Variants in MACROD2 observed in about 807,000 individuals in gnomAD.
The protein encoded by MACROD2 is mono-ADP ribosylhydrolase 2.
A neutral mutation model predicts 70.4 loss-of-function variants in MACROD2; 36 were observed. The observed-to-expected ratio is 0.51, with a 90% CI of 0.39 to 0.68. The LOEUF is 0.68. Ranked by LOEUF, MACROD2 falls within the 30% of genes least tolerant of loss-of-function variation. MACROD2 has a pLI of 0.00. For missense variants in MACROD2, 496 were observed against 538.4 expected (o/e 0.92, Z 0.78); for synonymous variants, 172 against 178.8 (o/e 0.96, Z 0.30).
intron 5 of MACROD2, among the ~76,000 whole-genome samples, chr20:15,159,750 A>G (rs2076334904): frequency 6.6e-6 from 1 of 151,670 alleles, no homozygotes; most frequent in South Asian, 2.1e-4. Flanking sequence ...ACACATACAC[A>G]TGGGCACACA....
At chr20:15,778,435 A>T (rs1338816005) in intron 8 of MACROD2, among the ~76,000 whole-genome samples, 1 of 152,106 alleles carries the variant, frequency 6.6e-6, no homozygotes. Context: ...AATTCTATTC[A>T]TAAGCGACAC....
chr20:15,070,329 T>C (rs1462977451), intron 5 of MACROD2, among the ~76,000 whole-genome samples: 3 of 152,136 alleles, frequency 2.0e-5, no homozygotes, highest in African/African-American at 7.2e-5. Flanking sequence ...GATGAGGGTT[T>C]GGACTTTTGA....
intron 10 of MACROD2, among the ~76,000 whole-genome samples, chr20:15,908,184 C>T (rs1046389034): frequency 6.6e-6 from 1 of 152,120 alleles, no homozygotes; most frequent in African/African-American, 2.4e-5. Context: ...ATTGAGAAGG[C>T]ATGCGCTAGA....
At chr20:15,930,442 G>A (rs963286905) in intron 10 of MACROD2, among the ~76,000 whole-genome samples, 2 of 152,180 alleles carry the variant, frequency 1.3e-5, no homozygotes, top group African/African-American at 4.8e-5. Flanking sequence ...GCCCAAGAAT[G>A]CATATGCTGG....
At chr20:14,523,943 A>G (rs926518552) in intron 4 of MACROD2, among the ~76,000 whole-genome samples, 1 of 152,172 alleles carries the variant, frequency 6.6e-6, no homozygotes, top group African/African-American at 2.4e-5. Flanking sequence ...TCTAGTTATG[A>G]GAGGTGATCC....
chr20:14,530,145 T>G (rs2085284894), intron 4 of MACROD2, among the ~76,000 whole-genome samples: 2 of 152,186 alleles, frequency 1.3e-5, no homozygotes, highest in Non-Finnish European at 2.9e-5. Context: ...GTACCCCAGC[T>G]TTTGCCAGTT....
At chr20:14,539,132 C>A (rs2085401304) in intron 4 of MACROD2, among the ~76,000 whole-genome samples, 1 of 152,250 alleles carries the variant, frequency 6.6e-6, no homozygotes, top group Middle Eastern at 3.4e-3. Flanking sequence ...GAAATCAAGA[C>A]CTTTCTCTGT....
intron 3 of MACROD2, among the ~76,000 whole-genome samples, chr20:14,155,653 T>G (rs2044932155): frequency 6.6e-6 from 1 of 152,136 alleles, no homozygotes; most frequent in Non-Finnish European, 1.5e-5. Flanking sequence ...AAATAGGAAA[T>G]TCATTTCCTC....
chr20:14,916,715 C>T (rs2122618426), intron 5 of MACROD2, among the ~76,000 whole-genome samples: 1 of 152,178 alleles, frequency 6.6e-6, no homozygotes, highest in East Asian at 1.9e-4. Context: ...ATAATTCTCT[C>T]AACTTTTCTG....
At chr20:14,594,215 T>C (rs1981969875) in intron 4 of MACROD2, among the ~76,000 whole-genome samples, 1 of 152,156 alleles carries the variant, frequency 6.6e-6, no homozygotes, top group Admixed American at 6.5e-5. Context: ...CTGCAGTTTG[T>C]TTTCTCTGTT....
At chr20:15,205,776 T>C (rs2076696225) in intron 5 of MACROD2, among the ~76,000 whole-genome samples, 1 of 152,252 alleles carries the variant, frequency 6.6e-6, no homozygotes, top group Non-Finnish European at 1.5e-5. Context: ...TATTTGATTT[T>C]ACAGAATCAC....
intron 8 of MACROD2, among the ~76,000 whole-genome samples, chr20:15,609,842 C>T (rs17694839): frequency 0.094 from 14,233 of 152,166 alleles, 874 homozygotes; most frequent in Non-Finnish European, 0.14. Flanking sequence ...TAATGGCCCT[C>T]GGTCGCTTAC....
chr20:15,408,085 T>G (rs140020050), intron 6 of MACROD2, among the ~76,000 whole-genome samples: 3,239 of 152,324 alleles, frequency 0.021, 45 homozygotes, highest in Middle Eastern at 0.031. Context: ...TTTTTCTTAA[T>G]TTAGGCAATG....
chr20:15,389,019 C>T (rs1032998358), intron 6 of MACROD2, among the ~76,000 whole-genome samples: 1 of 152,094 alleles, frequency 6.6e-6, no homozygotes, highest in Non-Finnish European at 1.5e-5. Context: ...GGGTGAAAAA[C>T]GTCCATTGAT....
At chr20:15,573,927 A>T (rs945647443) in intron 8 of MACROD2, among the ~76,000 whole-genome samples, 6 of 152,172 alleles carry the variant, frequency 3.9e-5, no homozygotes, top group African/African-American at 1.4e-4. Flanking sequence ...ATATCCACTC[A>T]TGTTTCTCTT....
intron 4 of MACROD2, among the ~76,000 whole-genome samples, chr20:14,660,863 G>C (rs991945716): frequency 6.6e-6 from 1 of 151,996 alleles, no homozygotes; most frequent in African/African-American, 2.4e-5. Context: ...CATCCATGTT[G>C]CTGCAAAGGA....
rs774110506 is a variant in MACROD2, at chr20:14,326,721, C to A, written c.272-166758C>A. 6.2e-7 allele frequency: 1 copy of A among 1,613,720 alleles called. No individual in the cohort carries two copies. The highest frequency in any genetic ancestry group is 8.5e-7 in the Non-Finnish European group (1 of 1,179,798). ...TTAGATAAGAAAAAGCATTTGGGGG[C>A]ACCCGATTGATGTGGTTATCTTGAA... On this transcript the variant is annotated intron_variant, in intron 3 of 17. Transcript: ENST00000684519. The surrounding 1 kb of genome is among the most constrained non-coding windows in gnomAD (Gnocchi z 5.5).
chr20:15,658,467 G>A (rs2049767200), intron 8 of MACROD2, among the ~76,000 whole-genome samples: 1 of 152,124 alleles, frequency 6.6e-6, no homozygotes, highest in South Asian at 2.1e-4. Flanking sequence ...TTGTTTGCAG[G>A]TCTGTGTGTG....
At chr20:15,115,914 G>C (rs1002326968) in intron 5 of MACROD2, among the ~76,000 whole-genome samples, 4 of 152,260 alleles carry the variant, frequency 2.6e-5, no homozygotes, top group African/African-American at 7.2e-5. Context: ...TTCAAAGTGA[G>C]TGTGTAAAGA....
Sources: allele counts gnomAD v4.1 joint callset (sites outside exome capture counted in the v4.1 genomes callset), GRCh38; gene constraint gnomAD v4.1.1; non-coding constraint Gnocchi (gnomAD v3.1); transcripts MANE v1.5; gene names NCBI Gene and HGNC (gene_info 2026-07-23, HGNC 2026-07-21).